PMAIP1: variants seen among roughly 807,000 people sequenced by gnomAD.
The protein encoded by PMAIP1 is PMA-induced protein 1.
In PMAIP1, 3 loss-of-function variants were observed where a neutral mutation model predicts 3.7. The ratio of observed to expected loss-of-function variants is 0.82; its 90% CI spans 0.37 to 2.12. The LOEUF (loss-of-function observed/expected upper bound fraction) is 2.12. PMAIP1 is among the 30% of genes most tolerant of loss of function. The pLI is 0.06. For synonymous variants in PMAIP1, 29 were observed against 26.2 expected (o/e 1.11, Z -0.32); for missense variants, 77 against 67.1 (o/e 1.15, Z -0.52).
At position 59,903,022 on chromosome 18, in the gene PMAIP1, A is replaced by G; in HGVS notation, c.*269A>G. 1.6e-6 allele frequency: 1 copy of G among 609,670 alleles called. No homozygotes were observed. 37.8% of individuals were successfully genotyped at this position (609,670 alleles called of 1,614,324 possible). On this transcript the variant is annotated 3_prime_UTR_variant, in exon 2 of 2. Transcript: ENST00000316660. ...GAAGACCCTTGAAAATAAAGAAGTA[A>G]TTATTGACACATTTCTTTTTTACTT... is the stretch of plus-strand genomic sequence containing the variant.
chr18:59,900,423 C>T, intron 1 of PMAIP1, 188 bp downstream of exon 1: 1 of 1,550,324 alleles, frequency 6.5e-7, no homozygotes, highest in Non-Finnish European at 8.7e-7. Context: ...GGGGTTTTTC[C>T]CCAGGACCGG....
rs1242382813 is a variant in PMAIP1 at position 59,903,560 on chromosome 18, T to C, written c.*807T>C. On this transcript the variant is annotated 3_prime_UTR_variant, in exon 2 of 2. Transcript: ENST00000316660. ...AAAGAAAAAAGAAGTTAATTTTTAA[T>C]TGATGTTTTTGAAACTTAGTAGAAC... 6.6e-6 allele frequency: 1 copy of C among 152,238 alleles called. No homozygotes were observed. Among genetic ancestry groups the C allele is most frequent in the Non-Finnish European group, 1.5e-5 (1 of 68,044 alleles). The allele number at this position is 152,238 out of a possible 1,614,324, so 9.4% of individuals were successfully genotyped here.
rs1376205310 is a variant in PMAIP1 at position 59,903,752 on chromosome 18, CAGTT to C, written c.*1004_*1007del. 2.6e-5 allele frequency: 4 copies of C among 151,942 alleles called. No individual in the cohort carries two copies. The highest frequency in any genetic ancestry group is 7.2e-5 in the African/African-American group (3 of 41,436). 9.4% of individuals were successfully genotyped at this position (151,942 alleles called of 1,614,324 possible). ...ATATACTTTTCTTAAAAAAAAGGAA[CAGTT>C]AGTTCTCATCTAGAATGAAAGTTCC... is the stretch of plus-strand genomic sequence containing the variant. On this transcript the variant is annotated 3_prime_UTR_variant, in exon 2 of 2. Transcript: ENST00000316660.
In PMAIP1 at chr18:59,900,215, GC is replaced by G; in HGVS notation, c.42del (p.Ala15ArgfsTer22). ...GKKARKNAQP[S>X]PARAPAELEV... The stretch of plus-strand genomic sequence containing the variant: ...AAGGCGCGCAAGAACGCTCAACCGA[GC>G]CCCGCGCGGGCTCCAGCAGGTACCG... On this transcript the variant is annotated frameshift_variant, in exon 1 of 2. Coordinates refer to ENST00000316660, the MANE Select transcript of PMAIP1 (RefSeq NM_021127.3). LOFTEE classifies it low-confidence loss of function (END_TRUNC). 1 of 1,553,730 alleles carries G rather than the reference GC, an allele frequency of 6.4e-7. No individual in the cohort carries two copies. The highest frequency in any genetic ancestry group is 8.7e-7 in the Non-Finnish European group (1 of 1,151,996).
rs758645042 is a variant in PMAIP1 at position 59,900,245 on chromosome 18, C to A, written c.58+10C>A. ...GCGCGGGCTCCAGCAGGTACCGACC[C>A]GCTGGGGCCAGCGAAGACCCAGGCC... On this transcript the variant is annotated intron_variant, in intron 1 of 1. Transcript: ENST00000316660. 6.5e-6 allele frequency: 10 copies of A among 1,544,418 alleles called. No individual in the cohort carries two copies. Among genetic ancestry groups the A allele is most frequent in the East Asian group, 2.4e-5 (1 of 41,488 alleles).
At chr18:59,902,179 A>G (rs2055776025) in intron 1 of PMAIP1, among the ~76,000 whole-genome samples, 1 of 152,262 alleles carries the variant, frequency 6.6e-6, no homozygotes, top group Admixed American at 6.5e-5. Flanking sequence ...ATCAAATCCT[A>G]CTTGAAAGCC....
chr18:59,900,771 C>T (rs1332800980), intron 1 of PMAIP1: 4 of 602,292 alleles, frequency 6.6e-6, no homozygotes, highest in African/African-American at 1.9e-5. Flanking sequence ...AGGAGTTAGT[C>T]CGCTCCTTTT....
intron 1 of PMAIP1, 42 bp from the exon 2 acceptor site, chr18:59,902,605 A>G: frequency 1.3e-6 from 2 of 1,533,888 alleles, no homozygotes; most frequent in Non-Finnish European, 1.8e-6. Flanking sequence ...ACAGTCTGTA[A>G]TATCATCAAT....
At chr18:59,900,441 GGC>G in intron 1 of PMAIP1, 1 of 1,525,708 alleles carries the variant, frequency 6.6e-7, no homozygotes, top group Non-Finnish European at 8.8e-7. Flanking sequence ...CGGCGGGTAC[GGC>G]GGGTACGGCG....
At chr18:59,901,026 G>A (rs1417208595) in intron 1 of PMAIP1, among the ~76,000 whole-genome samples, 1 of 152,168 alleles carries the variant, frequency 6.6e-6, no homozygotes, top group African/African-American at 2.4e-5. Flanking sequence ...CATTGCAAAT[G>A]TGACCATGCC....
Position 59,902,841 on chromosome 18 carries a change from G to A in PMAIP1, c.*88G>A. 6.3e-7 allele frequency: 1 copy of A among 1,596,504 alleles called. No homozygotes were observed. The highest frequency in any genetic ancestry group is 8.5e-7 in the Non-Finnish European group (1 of 1,169,884). The stretch of plus-strand genomic sequence containing the variant: ...CATCAATTTGAAGAAAGACTGCATT[G>A]TAATTGAGAGGAATGTGAAGGTGCA... On this transcript the variant is annotated 3_prime_UTR_variant, in exon 2 of 2. Transcript: ENST00000316660.
rs376797909 is a variant in PMAIP1 at position 59,902,711 on chromosome 18, A to C, written c.123A>C (p.Lys41Asn). ...GAGACAAACTGAACTTCCGGCAGAA[A>C]CTTCTGAATCTGATATCCAAACTCT... ...RFGDKLNFRQKLLNLISKLFC... is the reference protein window; with the variant it reads ...RFGDKLNFRQNLLNLISKLFC... Residue 41 changes from lysine (K) to asparagine (N), a missense_variant, in exon 2 of 2, where the codon AAA becomes AAC. Transcript: ENST00000316660. 3 of 1,614,052 alleles carry C rather than the reference A, an allele frequency of 1.9e-6. No individual in the cohort carries two copies. The African/African-American group carries it at 4.0e-5, about 22-fold the overall frequency.
In PMAIP1 at chr18:59,900,019, G is replaced by A. The variant is rs2055746140; in HGVS notation, c.-159G>A. ...TCAGAGTTTCCCGGGCACTCACCGT[G>A]TGTAGTTGGCATCTCCGCGCGTCCG... On this transcript the variant is annotated 5_prime_UTR_variant, in exon 1 of 2. It adds an upstream start codon to the 5' untranslated region. Coordinates refer to ENST00000316660, the MANE Select transcript of PMAIP1 (RefSeq NM_021127.3). 7.8e-6 allele frequency: 5 copies of A among 640,706 alleles called. No homozygotes were observed. Among genetic ancestry groups the A allele is most frequent in the Non-Finnish European group, 1.3e-5 (5 of 394,820 alleles). The allele number at this position is 640,706 out of a possible 1,614,324, so 39.7% of individuals were successfully genotyped here.
intron 1 of PMAIP1, chr18:59,900,857 C>T (rs1260867469): frequency 1.6e-4 from 66 of 400,898 alleles, no homozygotes; most frequent in African/African-American, 2.0e-5. Context: ...CGCCCCGGCC[C>T]CATGCTTTTT....
chr18:59,900,981 T>G (rs986536117), intron 1 of PMAIP1, among the ~76,000 whole-genome samples: 6 of 152,160 alleles, frequency 3.9e-5, no homozygotes, highest in Non-Finnish European at 8.8e-5. Context: ...TACTTTCATT[T>G]TATAGAGCTC....
chr18:59,903,228 T>C lies in PMAIP1; in HGVS notation c.*475T>C, dbSNP rs915317667. 2 of 211,124 alleles carry C rather than the reference T, an allele frequency of 9.5e-6. No individual in the cohort carries two copies. Among genetic ancestry groups the C allele is most frequent in the Non-Finnish European group, 1.9e-5 (2 of 103,306 alleles). 13.1% of individuals were successfully genotyped at this position (211,124 alleles called of 1,614,324 possible). A position where few individuals can be genotyped will look rare whatever the true frequency, so the allele number is the denominator to read the frequency against. On this transcript the variant is annotated 3_prime_UTR_variant, in exon 2 of 2. Transcript: ENST00000316660. Reference sequence around the variant, plus strand: ...TTGTATATGATTCGGTTTATACATATTACCTTGTTATAATGAAAAAACTCA... The same window carrying C: ...TTGTATATGATTCGGTTTATACATACTACCTTGTTATAATGAAAAAACTCA...
At position 59,902,990 on chromosome 18, in the gene PMAIP1, A is replaced by T. The variant is rs1394523772; in HGVS notation, c.*237A>T. On this transcript the variant is annotated 3_prime_UTR_variant, in exon 2 of 2. Coordinates refer to ENST00000316660, the MANE Select transcript of PMAIP1 (RefSeq NM_021127.3). Reference sequence around the variant, plus strand: ...AAAACCACTTTGTTTATTTTAAAGCAAGAATGGAAGACCCTTGAAAATAAA... The same window carrying T: ...AAAACCACTTTGTTTATTTTAAAGCTAGAATGGAAGACCCTTGAAAATAAA... 1.6e-6 allele frequency: 1 copy of T among 634,286 alleles called. No homozygotes were observed. The highest frequency in any genetic ancestry group is 2.8e-6 in the Non-Finnish European group (1 of 359,586). 39.3% of individuals were successfully genotyped at this position (634,286 alleles called of 1,614,324 possible).
intron 1 of PMAIP1, chr18:59,900,445 GGTACGGCGA>G (rs765675451): frequency 6.5e-7 from 1 of 1,540,702 alleles, no homozygotes; most frequent in South Asian, 1.2e-5. Context: ...GGGTACGGCG[GGTACGGCGA>G]GGGACCAAGC....
Position 59,902,803 on chromosome 18 carries a change from G to A in PMAIP1, c.*50G>A. Reference sequence around the variant, plus strand: ...GACTCCTTCAAAAGAGTTTTCTCAGGAGGTGCACGTTTCATCAATTTGAAG... The same window carrying A: ...GACTCCTTCAAAAGAGTTTTCTCAGAAGGTGCACGTTTCATCAATTTGAAG... On this transcript the variant is annotated 3_prime_UTR_variant, in exon 2 of 2. Coordinates refer to ENST00000316660, the MANE Select transcript of PMAIP1 (RefSeq NM_021127.3). 1 of 1,613,656 alleles carries A rather than the reference G, an allele frequency of 6.2e-7. No individual in the cohort carries two copies. Among genetic ancestry groups the A allele is most frequent in the Non-Finnish European group, 8.5e-7 (1 of 1,179,746 alleles).
Sources: allele counts gnomAD v4.1 joint callset (sites outside exome capture counted in the v4.1 genomes callset), GRCh38; gene constraint gnomAD v4.1.1; transcripts MANE v1.5; gene names NCBI Gene and HGNC (gene_info 2026-07-23, HGNC 2026-07-21).